Variants in DNMT3B observed in about 807,000 individuals in gnomAD.
The protein encoded by DNMT3B is DNA (cytosine-5)-methyltransferase 3B.
Under a neutral mutation model 120.2 loss-of-function variants are expected in DNMT3B, and 37 were observed. The ratio of observed to expected loss-of-function variants is 0.31; its 90% CI spans 0.24 to 0.40. The LOEUF is 0.40. DNMT3B is among the 10% of genes least tolerant of loss of function. The probability of loss-of-function intolerance (pLI) is 1.00; values close to 1 mark genes in which losing one functional copy is unlikely to be tolerated. For synonymous variants in DNMT3B, 412 were observed against 442.8 expected (o/e 0.93, Z 0.87); for missense variants, 878 against 1,137.3 (o/e 0.77, Z 3.28).
Position 32,807,822 on chromosome 20 carries a change from G to A in DNMT3B, c.2481G>A (p.Gln827=). The change falls in exon 23 of 23, where the codon CAG becomes CAA. Residue 827 remains glutamine, a synonymous_variant. Coordinates refer to ENST00000328111, the MANE Select transcript of DNMT3B (RefSeq NM_006892.4). ...DVSNMGRGAR[Q]KLLGRSWSVP... ...CCAACATGGGCCGTGGTGCCCGCCA[G>A]AAGCTGCTGGGAAGGTCCTGGAGCG... 1 of 1,614,224 alleles carries A rather than the reference G, an allele frequency of 6.2e-7. No homozygotes were observed. Among genetic ancestry groups the A allele is most frequent in the Non-Finnish European group, 8.5e-7 (1 of 1,180,046 alleles).
In DNMT3B at chr20:32,797,327, G is replaced by A. The variant is rs1398369721; in HGVS notation, c.1490+28G>A. On this transcript the variant is annotated intron_variant, in intron 14 of 22. Coordinates refer to ENST00000328111, the MANE Select transcript of DNMT3B (RefSeq NM_006892.4). ...GAGCACTGGGCCCTGTGGGGTGGAT[G>A]TGGGTGGGCCCCCAAGGCTCCTACG... 10 of 1,608,326 alleles carry A rather than the reference G, an allele frequency of 6.2e-6. No homozygotes were observed. In the African/African-American group the frequency reaches 6.7e-5, roughly 11 times the overall value.
chr20:32,785,413 TA>T (rs1270063560), intron 4 of DNMT3B, among the ~76,000 whole-genome samples: 14 of 152,246 alleles, frequency 9.2e-5, no homozygotes, highest in African/African-American at 3.4e-4. Context: ...TGGAGGTGCC[TA>T]GGGGTGATAG....
At chr20:32,775,377 C>G (rs561482937) in intron 1 of DNMT3B, among the ~76,000 whole-genome samples, 6 of 152,294 alleles carry the variant, frequency 3.9e-5, no homozygotes, top group African/African-American at 1.4e-4. Flanking sequence ...CTGGTATCAG[C>G]CTGGAGGAAG....
At chr20:32,794,964 C>G (rs2424918) in intron 10 of DNMT3B, among the ~76,000 whole-genome samples, 4 of 151,904 alleles carry the variant, frequency 2.6e-5, no homozygotes, top group Non-Finnish European at 5.9e-5. Flanking sequence ...ACTCATATGT[C>G]TAGGCTAGTC....
rs774622592 is a variant in DNMT3B, at chr20:32,787,357, C to T, written c.560C>T (p.Pro187Leu). 29 of 1,614,096 alleles carry T rather than the reference C, an allele frequency of 1.8e-5. No individual in the cohort carries two copies. In the South Asian group the frequency reaches 3.0e-4, roughly 16 times the overall value. Residue 187 changes from proline (P) to leucine (L), a missense_variant, in exon 6 of 23, where the codon CCC (proline) becomes CTC (leucine). By Grantham distance (98) the Pro-to-Leu change is moderately conservative (BLOSUM62 -3). Coordinates refer to ENST00000328111, the MANE Select transcript of DNMT3B (RefSeq NM_006892.4). Reference protein sequence around the residue: ...THGTPQSSSTPYARLAQDSQQ... With the variant: ...THGTPQSSSTLYARLAQDSQQ... ...GGGACGCCCCAGAGCAGCAGTACCC[C>T]CTACGCCCGCCTAGCCCAGGACAGC... is the stretch of plus-strand genomic sequence containing the variant.
intron 1 of DNMT3B, among the ~76,000 whole-genome samples, chr20:32,773,143 G>A (rs1256689329): frequency 1.3e-5 from 2 of 149,936 alleles, no homozygotes; most frequent in Non-Finnish European, 1.5e-5. Context: ...GAGGGAGCCT[G>A]AGCCTGTACT....
intron 1 of DNMT3B, among the ~76,000 whole-genome samples, chr20:32,764,388 G>C (rs1347322415): frequency 6.6e-6 from 1 of 152,188 alleles, no homozygotes; most frequent in Non-Finnish European, 1.5e-5. Context: ...TGTAGGGTCA[G>C]CACATGGTGA....
intron 3 of DNMT3B, 38 bp downstream of exon 3, chr20:32,781,452 C>CT: frequency 1.9e-6 from 3 of 1,612,140 alleles, no homozygotes; most frequent in Non-Finnish European, 2.5e-6. Context: ...GGCTCAGGGA[C>CT]TTTGTCTTTG....
intron 20 of DNMT3B, among the ~76,000 whole-genome samples, chr20:32,802,727 T>C (rs2064350): frequency 0.61 from 92,752 of 152,162 alleles, 31,592 homozygotes; most frequent in East Asian, 0.99. Context: ...TGGCTGGGTG[T>C]GGTGGCTCAC....
chr20:32,796,772 A>G lies in DNMT3B; in HGVS notation c.1298-18A>G. ...AGGGCCTCAACTGCCAAAAGCCACAACCCTGTTTTTCTTACAGATGGCTGT... is the reference window on the plus strand; with the variant it reads ...AGGGCCTCAACTGCCAAAAGCCACAGCCCTGTTTTTCTTACAGATGGCTGT... On this transcript the variant is annotated intron_variant, in intron 12 of 22. Transcript: ENST00000328111. 6.2e-7 allele frequency: 1 copy of G among 1,614,170 alleles called. No homozygotes were observed. Among genetic ancestry groups the G allele is most frequent in the Non-Finnish European group, 8.5e-7 (1 of 1,180,024 alleles).
At chr20:32,787,064 C>G (rs79428919) in intron 5 of DNMT3B, among the ~76,000 whole-genome samples, 166 bp from the exon 6 acceptor site, 3,347 of 152,334 alleles carry the variant, frequency 0.022, 120 homozygotes, top group African/African-American at 0.074. Context: ...CTTTCTCCCC[C>G]CTTAAGGGAT....
At chr20:32,788,136 ACGTGCAAGTCACAGGGGATG>A (rs1050882131) in intron 6 of DNMT3B, among the ~76,000 whole-genome samples, 74 of 152,244 alleles carry the variant, frequency 4.9e-4, no homozygotes, top group African/African-American at 1.3e-3. Flanking sequence ...CTGGGCTTAA[ACGTGCAAGTCACAGGGGATG>A]CGTGCAAGTC....
intron 4 of DNMT3B, among the ~76,000 whole-genome samples, chr20:32,786,073 G>A (rs1979241534): frequency 6.6e-6 from 1 of 152,052 alleles, no homozygotes; most frequent in Non-Finnish European, 1.5e-5. Context: ...TAGTAGAGAT[G>A]GGGTTTCACC....
At chr20:32,799,181 C>G (rs1981018538) in intron 15 of DNMT3B, 63 bp from the exon 16 acceptor site, 1 of 1,551,694 alleles carries the variant, frequency 6.4e-7, no homozygotes, top group Admixed American at 1.9e-5. Context: ...GCCTGCCCCT[C>G]CCTCAGAGCT....
chr20:32,793,566 G>C lies in DNMT3B; in HGVS notation c.1097G>C (p.Gly366Ala), dbSNP rs756893516. ...AATAAGTCGAAGGTGCGTCGTGCAG[G>C]CAGTAGGAAATTAGAATCAAGGAAA... ...VVNKSKVRRA[G>A]SRKLESRKYE... Residue 366 changes from glycine to alanine, a missense_variant, in exon 10 of 23, where the codon GGC becomes GCC. Gly to Ala is a moderately conservative substitution (Grantham distance 60). This residue lies in a region of DNMT3B where 207 missense variants were observed against 222.6 expected (regional missense o/e 0.93). Coordinates refer to ENST00000328111, the MANE Select transcript of DNMT3B (RefSeq NM_006892.4). The C allele has an allele frequency of 6.2e-7, 1 of 1,614,214 alleles. No homozygotes were observed. The highest frequency in any genetic ancestry group is 1.3e-5 in the African/African-American group (1 of 75,046).
intron 10 of DNMT3B, 33 bp from the exon 11 acceptor site, chr20:32,795,376 A>T: frequency 6.2e-7 from 1 of 1,613,566 alleles, no homozygotes; most frequent in Non-Finnish European, 8.5e-7. Context: ...CCCTCCTACC[A>T]AGCCACGGCT....
intron 1 of DNMT3B, among the ~76,000 whole-genome samples, chr20:32,775,387 G>A (rs1883729): frequency 0.56 from 85,654 of 152,116 alleles, 27,225 homozygotes; most frequent in East Asian, 0.92. Context: ...CCTGGAGGAA[G>A]TGAGTGACAT....
Position 32,784,826 on chromosome 20 carries a change from C to A in DNMT3B, c.273C>A (p.Phe91Leu). ...ACACCCCAGTCATGCCAAAGCTCTT[C>A]CGGGAAACCAGGACTCGTTCAGAAA... ...GSDTPVMPKLFRETRTRSESP... is the reference protein window; with the variant it reads ...GSDTPVMPKLLRETRTRSESP... The change falls in exon 4 of 23, where the codon TTC (phenylalanine) becomes TTA (leucine). Residue 91 changes from phenylalanine (F) to leucine (L), a missense_variant. By Grantham distance (22) the Phe-to-Leu change is conservative (BLOSUM62 0). Transcript: ENST00000328111. The A allele has an allele frequency of 6.2e-7, 1 of 1,614,126 alleles. No individual in the cohort carries two copies. Among genetic ancestry groups the A allele is most frequent in the Non-Finnish European group, 8.5e-7 (1 of 1,180,012 alleles).
At chr20:32,804,684 CTTTTTTTTT>C (rs537765800) in intron 20 of DNMT3B, among the ~76,000 whole-genome samples, 2 of 112,670 alleles carry the variant, frequency 1.8e-5, no homozygotes, top group African/African-American at 3.2e-5. Context: ...GGTGCTTAGT[CTTTTTTTTT>C]TTTTTTTTTT....
Sources: allele counts gnomAD v4.1 joint callset (sites outside exome capture counted in the v4.1 genomes callset), GRCh38; gene constraint gnomAD v4.1.1; regional missense constraint gnomAD v4.1.1; transcripts MANE v1.5; gene names NCBI Gene and HGNC (gene_info 2026-07-23, HGNC 2026-07-21).